GRID2: variants seen among roughly 807,000 people sequenced by gnomAD.
GRID2 encodes glutamate receptor ionotropic, delta-2.
In GRID2, 33 loss-of-function variants were observed where a neutral mutation model predicts 114.8. That is an observed-to-expected ratio of 0.29 (90% confidence interval 0.22 to 0.38). The LOEUF (loss-of-function observed/expected upper bound fraction) is 0.38, where lower values mean the gene tolerates loss of function less well. GRID2 is among the 10% of genes least tolerant of loss of function. The pLI, the probability that GRID2 is intolerant of heterozygous loss-of-function variation, is 1.00. For synonymous variants in GRID2, 505 were observed against 449.9 expected (o/e 1.12, Z -1.55); for missense variants, 1,184 against 1,257.7 (o/e 0.94, Z 0.89).
At chr4:93,250,654 ATT>A (rs966188054) in intron 8 of GRID2, among the ~76,000 whole-genome samples, 42 of 128,746 alleles carry the variant, frequency 3.3e-4, no homozygotes, top group Admixed American at 6.4e-4. Flanking sequence ...ATATATATAT[ATT>A]TTATATATTT....
chr4:92,518,277 T>C (rs1276935138), intron 1 of GRID2, among the ~76,000 whole-genome samples: 1 of 151,882 alleles, frequency 6.6e-6, no homozygotes, highest in Non-Finnish European at 1.5e-5. Flanking sequence ...GGCTTATTGC[T>C]ACTATAAATT....
chr4:92,334,035 C>G (rs1727037156), intron 1 of GRID2, among the ~76,000 whole-genome samples: 2 of 152,160 alleles, frequency 1.3e-5, no homozygotes, highest in South Asian at 2.1e-4. Flanking sequence ...CTGGCTCCCA[C>G]CAGGTATCCT....
At chr4:93,151,350 C>T (rs1359858895) in intron 4 of GRID2, among the ~76,000 whole-genome samples, 12 of 152,024 alleles carry the variant, frequency 7.9e-5, no homozygotes, top group Non-Finnish European at 1.6e-4. Context: ...CTATCTGCCT[C>T]CCCATCCTTT....
intron 1 of GRID2, among the ~76,000 whole-genome samples, chr4:92,403,275 T>C (rs1193385014): frequency 2.6e-5 from 4 of 152,166 alleles, no homozygotes; most frequent in Non-Finnish European, 5.9e-5. Context: ...AGTAGTACTT[T>C]TAATTTCTTT....
chr4:93,224,918 A>T, intron 7 of GRID2, 143 bp downstream of exon 7: 6 of 608,980 alleles, frequency 9.9e-6, no homozygotes, highest in Admixed American at 3.2e-5. Context: ...AAAAGAAAAA[A>T]GGTGAGAGAG....
intron 1 of GRID2, among the ~76,000 whole-genome samples, chr4:92,399,849 T>C (rs1363771524): frequency 6.6e-6 from 1 of 152,156 alleles, no homozygotes; most frequent in Non-Finnish European, 1.5e-5. Flanking sequence ...AATGAATAAA[T>C]ACATAGTTAC....
chr4:92,907,482 G>C (rs1359779699), intron 2 of GRID2, among the ~76,000 whole-genome samples: 2 of 152,028 alleles, frequency 1.3e-5, no homozygotes, highest in African/African-American at 4.8e-5. Flanking sequence ...CGCGATCTTG[G>C]CTCACTTCAA....
chr4:93,366,597 G>A (rs772371188), intron 8 of GRID2, among the ~76,000 whole-genome samples: 1 of 151,924 alleles, frequency 6.6e-6, no homozygotes, highest in Non-Finnish European at 1.5e-5. Flanking sequence ...CTATTACCTT[G>A]TAAAGTACTT....
intron 7 of GRID2, among the ~76,000 whole-genome samples, chr4:93,235,044 AT>A (rs969503035): frequency 2.0e-5 from 3 of 150,506 alleles, no homozygotes; most frequent in African/African-American, 2.4e-5. Flanking sequence ...AGTCTCAGTA[AT>A]TTTTTTTTTA....
At chr4:93,795,112 G>A (rs1734770630) in intron 1 of GRID2, among the ~76,000 whole-genome samples, 1 of 152,134 alleles carries the variant, frequency 6.6e-6, no homozygotes, top group South Asian at 2.1e-4. Flanking sequence ...GAGATACAAT[G>A]AGCAGAATCA....
At position 93,443,593 on chromosome 4, in the gene GRID2, T is replaced by C. The variant is rs543916362; in HGVS notation, c.1546-12069T>C. On this transcript the variant is annotated intron_variant, in intron 10 of 15. Coordinates refer to ENST00000282020, the MANE Select transcript of GRID2 (RefSeq NM_001510.4). ...CAAGCTATTTACCTTGTCTGAGTCT[T>C]AGATTTGGCCTCAGCGAAAGGAAAG... 2.6e-5 allele frequency among the ~76,000 whole-genome samples: 4 copies of C among 152,056 alleles called. No homozygotes were observed. The East Asian group carries it at 7.8e-4, about 30-fold the overall frequency.
Position 93,359,502 on chromosome 4 carries a change from T to A in GRID2, c.1246-36105T>A, listed in dbSNP as rs77930897. ...TATTGATTATATTCACCCTGTTGTG[T>A]TATCAAATAGTAGGTCTTATTCATT... On this transcript the variant is annotated intron_variant, in intron 8 of 15. Transcript: ENST00000282020. Among the ~76,000 whole-genome samples the A allele has an allele frequency of 3.6e-3, 544 of 151,706 alleles. 7 individuals carry two copies. Among genetic ancestry groups the A allele is most frequent in the African/African-American group, 0.012 (516 of 41,432 alleles).
intron 2 of GRID2, among the ~76,000 whole-genome samples, chr4:92,893,212 T>C (rs995235650): frequency 2.0e-5 from 3 of 152,138 alleles, no homozygotes; most frequent in Non-Finnish European, 4.4e-5. Flanking sequence ...CCTACTTATC[T>C]TTATACCCCA....
intron 2 of GRID2, among the ~76,000 whole-genome samples, chr4:92,897,302 G>A (rs1029667351): frequency 3.6e-4 from 55 of 152,068 alleles, no homozygotes; most frequent in African/African-American, 1.3e-3. Context: ...CAAAGTTAAT[G>A]AAAAACAACT....
chr4:93,388,595 A>G (rs1468206187), intron 8 of GRID2, among the ~76,000 whole-genome samples: 1 of 152,212 alleles, frequency 6.6e-6, no homozygotes, highest in African/African-American at 2.4e-5. Flanking sequence ...ATAAATAATA[A>G]CAAATCATGC....
chr4:93,061,810 T>C (rs1172435116), intron 2 of GRID2, among the ~76,000 whole-genome samples: 1 of 152,158 alleles, frequency 6.6e-6, no homozygotes, highest in African/African-American at 2.4e-5. Context: ...AGTGTATGAC[T>C]TCTTAGACAC....
At chr4:92,632,675 G>C (rs867773962) in intron 2 of GRID2, among the ~76,000 whole-genome samples, 34 of 151,052 alleles carry the variant, frequency 2.3e-4, no homozygotes, top group African/African-American at 7.8e-4. Flanking sequence ...AGTGAAGAAA[G>C]GAAAGGAAGG....
At chr4:93,324,102 G>A (rs1757556150) in intron 8 of GRID2, among the ~76,000 whole-genome samples, 2 of 152,158 alleles carry the variant, frequency 1.3e-5, no homozygotes, top group African/African-American at 4.8e-5. Context: ...GGAGTGGTGA[G>A]AGAGGGCATC....
chr4:92,878,957 G>T (rs1212087571), intron 2 of GRID2, among the ~76,000 whole-genome samples: 1 of 152,060 alleles, frequency 6.6e-6, no homozygotes, highest in Non-Finnish European at 1.5e-5. Flanking sequence ...TTCACGTTTT[G>T]CTGCTCACCA....
Sources: gnomAD v4.1 joint callset for allele counts (sites outside exome capture counted in the v4.1 genomes callset) on GRCh38, gnomAD v4.1.1 for gene constraint, MANE v1.5 for transcripts, NCBI Gene and HGNC (gene_info 2026-07-23, HGNC 2026-07-21) for gene names.